The following SMC1B variants were observed in gnomAD, a reference collection of about 807,000 sequenced individuals.
SMC1B encodes the protein structural maintenance of chromosomes 1B, also known as structural maintenance of chromosomes protein 1B.
Under a neutral mutation model 157.9 loss-of-function variants are expected in SMC1B, and 60 were observed. The observed-to-expected ratio is 0.38, with a 90% confidence interval of 0.31 to 0.47. The LOEUF is 0.47. Ranked by LOEUF, SMC1B falls within the 20% of genes least tolerant of loss-of-function variation. The pLI, the probability that SMC1B is intolerant of heterozygous loss-of-function variation, is 0.99. For synonymous variants in SMC1B, 445 were observed against 483.0 expected, an observed-to-expected ratio of 0.92 and a Z score of 1.03; for missense variants, 1,165 against 1,426.2, an observed-to-expected ratio of 0.82 and a Z score of 2.95.
At chr22:45,407,937 T>C (rs892753282) in intron 2 of SMC1B, among the ~76,000 whole-genome samples, 1 of 152,174 alleles carries the variant, frequency 6.6e-6, no homozygotes, top group Non-Finnish European at 1.5e-5. Flanking sequence ...TTCCCGTAAA[T>C]GTATATATAC....
chr22:45,361,105 C>T (rs2086717624), intron 17 of SMC1B, among the ~76,000 whole-genome samples: 2 of 152,016 alleles, frequency 1.3e-5, no homozygotes, highest in Admixed American at 6.6e-5. Flanking sequence ...CTATTACTAT[C>T]TCCATTACTG....
intron 12 of SMC1B, among the ~76,000 whole-genome samples, chr22:45,377,506 T>G (rs1014552838): frequency 9.2e-5 from 14 of 151,636 alleles, no homozygotes; most frequent in South Asian, 4.2e-4. Context: ...GGCATGGTGG[T>G]GTGTGCCTGT....
At chr22:45,369,542 C>CTTT (rs136566) in intron 15 of SMC1B, among the ~76,000 whole-genome samples, 3 of 110,762 alleles carry the variant, frequency 2.7e-5, no homozygotes, top group Non-Finnish European at 5.2e-5. Context: ...CTAGCTGTTT[C>CTTT]TTTTTTTTTT....
chr22:45,411,899 GAC>G (rs1409525999), intron 1 of SMC1B, among the ~76,000 whole-genome samples: 3 of 150,744 alleles, frequency 2.0e-5, no homozygotes, highest in Non-Finnish European at 4.4e-5. Context: ...TTTTTGTTGA[GAC>G]AGAGTCTTGC....
intron 12 of SMC1B, among the ~76,000 whole-genome samples, chr22:45,373,719 C>A (rs191282459): frequency 6.6e-6 from 1 of 152,332 alleles, no homozygotes; most frequent in East Asian, 1.9e-4. Context: ...TCAGTTAAGT[C>A]AGACGTTTTT....
In SMC1B at chr22:45,373,319, G is replaced by A. The variant is rs182319652; in HGVS notation, c.2059-1027C>T. Reference sequence around the variant, plus strand: ...TTGAGACCTGTCTCAAGATACCTTCGGTTTACAATAAGATGGGGCACAAAA... The same window carrying A: ...TTGAGACCTGTCTCAAGATACCTTCAGTTTACAATAAGATGGGGCACAAAA... On this transcript the variant is annotated intron_variant, in intron 12 of 24. Coordinates refer to ENST00000357450, the MANE Select transcript of SMC1B (RefSeq NM_148674.5). 2.5e-4 allele frequency among the ~76,000 whole-genome samples: 38 copies of A among 152,166 alleles called. No individual in the cohort carries two copies. The South Asian group carries it at 5.6e-3, about 22-fold the overall frequency.
intron 15 of SMC1B, 120 bp downstream of exon 15, chr22:45,369,834 G>A (rs2086813779): frequency 4.6e-6 from 3 of 645,174 alleles, no homozygotes; most frequent in African/African-American, 3.9e-5. Context: ...GTAAGCCACC[G>A]TGCCCGGCCT....
chr22:45,372,577 T>TAAATAGGATC (rs1569183283), intron 12 of SMC1B, among the ~76,000 whole-genome samples: 1 of 152,164 alleles, frequency 6.6e-6, no homozygotes, highest in East Asian at 1.9e-4. Flanking sequence ...ATTAATGACA[T>TAAATAGGATC]AAATAGGATC....
At chr22:45,376,773 C>G (rs2086887922) in intron 12 of SMC1B, among the ~76,000 whole-genome samples, 1 of 151,670 alleles carries the variant, frequency 6.6e-6, no homozygotes, top group Non-Finnish European at 1.5e-5. Flanking sequence ...AATAATGGAT[C>G]TAATTTTCAG....
rs1242689506 is a variant in SMC1B at position 45,362,009 on chromosome 22, A to AG, written c.2563-26dup. ...CCTGAACAGAGAGGATCTGCATTGT[A>AG]GATTTACTATCTTTTATATTAATAA... is the stretch of plus-strand genomic sequence containing the variant. On this transcript the variant is annotated intron_variant, in intron 16 of 24. Coordinates refer to ENST00000357450, the MANE Select transcript of SMC1B (RefSeq NM_148674.5). The AG allele has an allele frequency of 1.9e-6, 3 of 1,597,724 alleles. No individual in the cohort carries two copies. In the African/African-American group the frequency reaches 4.1e-5, roughly 22 times the overall value.
intron 5 of SMC1B, among the ~76,000 whole-genome samples, chr22:45,399,923 A>G (rs2087172855): frequency 6.6e-6 from 1 of 152,226 alleles, no homozygotes; most frequent in Admixed American, 6.5e-5. Flanking sequence ...AAGCAAATGG[A>G]TGGCAGATGG....
intron 15 of SMC1B, 86 bp from the exon 16 acceptor site, chr22:45,363,112 A>C: frequency 3.1e-6 from 3 of 959,800 alleles, no homozygotes; most frequent in Non-Finnish European, 4.5e-6. Flanking sequence ...AAACAAATAT[A>C]AAAGTAAAAG....
At chr22:45,383,887 T>C (rs1407525169) in intron 11 of SMC1B, among the ~76,000 whole-genome samples, 1 of 152,206 alleles carries the variant, frequency 6.6e-6, no homozygotes, top group East Asian at 1.9e-4. Context: ...TTTCCTATTA[T>C]ACACAATGGT....
At chr22:45,385,586 A>G (rs2086981950) in intron 11 of SMC1B, among the ~76,000 whole-genome samples, 1 of 152,286 alleles carries the variant, frequency 6.6e-6, no homozygotes, top group East Asian at 1.9e-4. Flanking sequence ...TAAAGATGTT[A>G]CTGTGAACAA....
At chr22:45,362,119 C>G (rs2072717) in intron 16 of SMC1B, 135 bp from the exon 17 acceptor site, 13 of 776,380 alleles carry the variant, frequency 1.7e-5, no homozygotes, top group Non-Finnish European at 2.6e-5. Flanking sequence ...GACCTTCCAT[C>G]GTGGACTGTG....
chr22:45,383,143 A>G (rs930542343), intron 12 of SMC1B, among the ~76,000 whole-genome samples: 6 of 151,696 alleles, frequency 4.0e-5, no homozygotes, highest in Admixed American at 1.3e-4. Context: ...CAAAAAAAAA[A>G]ACAAAAAACA....
intron 9 of SMC1B, among the ~76,000 whole-genome samples, chr22:45,393,352 CT>C (rs2087083701): frequency 6.6e-6 from 1 of 152,134 alleles, no homozygotes; most frequent in African/African-American, 2.4e-5. Flanking sequence ...CATCCAGGTC[CT>C]TTTGGGGATA....
intron 1 of SMC1B, among the ~76,000 whole-genome samples, chr22:45,410,716 T>C (rs2087322860): frequency 6.6e-6 from 1 of 152,056 alleles, no homozygotes. Flanking sequence ...ACAAAAGAAA[T>C]AATTAATTAA....
chr22:45,349,052 T>A (rs578232451), intron 23 of SMC1B, among the ~76,000 whole-genome samples: 67 of 144,368 alleles, frequency 4.6e-4, no homozygotes, highest in Admixed American at 8.4e-4. Flanking sequence ...AGAGTCTCTG[T>A]CGCTCAGGCT....
Sources: allele counts gnomAD v4.1 joint callset (sites outside exome capture counted in the v4.1 genomes callset), GRCh38; gene constraint gnomAD v4.1.1; transcripts MANE v1.5; gene names NCBI Gene and HGNC (gene_info 2026-07-23, HGNC 2026-07-21).